PLPP1: variants seen among roughly 807,000 people sequenced by gnomAD.
PLPP1 encodes the protein lipid phosphate phosphohydrolase 1a.
In PLPP1, 24 loss-of-function variants were observed where a neutral mutation model predicts 31.2. The ratio of observed to expected loss-of-function variants is 0.77; its 90% CI spans 0.56 to 1.08. PLPP1 has a LOEUF of 1.08. PLPP1 is among the 50% of genes least tolerant of loss of function. The probability of loss-of-function intolerance (pLI) is 0.00; values close to 1 mark genes in which losing one functional copy is unlikely to be tolerated. For missense variants in PLPP1, 319 were observed against 342.7 expected (o/e 0.93, Z 0.55); for synonymous variants, 146 against 126.3 (o/e 1.16, Z -1.05).
intron 1 of PLPP1, chr5:55,530,812 G>A (rs938997438): frequency 6.6e-6 from 9 of 1,372,618 alleles, no homozygotes; most frequent in South Asian, 2.4e-5. Context: ...CCGCACGGGC[G>A]TTTTGAGCAC....
chr5:55,508,061 T>C (rs1561251424), intron 1 of PLPP1, among the ~76,000 whole-genome samples: 1 of 152,012 alleles, frequency 6.6e-6, no homozygotes, highest in Non-Finnish European at 1.5e-5. Context: ...TTTCACCATG[T>C]TGGCTATGCT....
At chr5:55,489,628 C>A (rs1193288949) in intron 1 of PLPP1, among the ~76,000 whole-genome samples, 1 of 151,746 alleles carries the variant, frequency 6.6e-6, no homozygotes, top group Non-Finnish European at 1.5e-5. Flanking sequence ...GAGCTGCAGC[C>A]CATTAGAAAA....
chr5:55,493,304 G>A (rs146888645), intron 1 of PLPP1, among the ~76,000 whole-genome samples: 1 of 147,544 alleles, frequency 6.8e-6, no homozygotes, highest in African/African-American at 2.5e-5. Flanking sequence ...AACAGGACAA[G>A]ACCCTGTCTC....
chr5:55,481,608 T>C (rs1041645740), intron 1 of PLPP1, among the ~76,000 whole-genome samples: 3 of 152,100 alleles, frequency 2.0e-5, no homozygotes, highest in Admixed American at 1.3e-4. Flanking sequence ...AAAGACCCCA[T>C]AGGCAGACCA....
At chr5:55,439,039 C>T (rs1751561755) in intron 4 of PLPP1, among the ~76,000 whole-genome samples, 1 of 152,162 alleles carries the variant, frequency 6.6e-6, no homozygotes, top group South Asian at 2.1e-4. Context: ...TGCATGGTTG[C>T]TCTGGCCTGC....
Position 55,457,565 on chromosome 5 carries a change from A to G in PLPP1, c.491+10304T>C, listed in dbSNP as rs186029424. Among the ~76,000 whole-genome samples, 12 of 152,342 alleles carry G rather than the reference A, an allele frequency of 7.9e-5. No individual in the cohort carries two copies. The East Asian group carries it at 1.7e-3, about 22-fold the overall frequency. On this transcript the variant is annotated intron_variant, in intron 3 of 5. Coordinates refer to ENST00000307259, the MANE Select transcript of PLPP1 (RefSeq NM_003711.4). ...CAAGAAAATTCTCAGCTAAAACAAAATAAGATTTATGTACCTGAACCAGAG... is the reference window on the plus strand; with the variant it reads ...CAAGAAAATTCTCAGCTAAAACAAAGTAAGATTTATGTACCTGAACCAGAG...
intron 4 of PLPP1, among the ~76,000 whole-genome samples, chr5:55,432,993 C>G (rs10056293): frequency 0.19 from 28,402 of 151,660 alleles, 2,726 homozygotes; most frequent in Admixed American, 0.19. Flanking sequence ...GAAGACCTAA[C>G]CCTGAGCAAT....
intron 1 of PLPP1, among the ~76,000 whole-genome samples, chr5:55,490,370 G>C (rs573615386): frequency 6.6e-6 from 1 of 151,890 alleles, no homozygotes; most frequent in Admixed American, 6.5e-5. Context: ...GGCTGGTCTC[G>C]AACTCCTGAC....
chr5:55,498,509 A>C (rs1310710542), intron 1 of PLPP1, among the ~76,000 whole-genome samples: 1 of 152,202 alleles, frequency 6.6e-6, no homozygotes, highest in Non-Finnish European at 1.5e-5. Context: ...CCACCTAATA[A>C]CATGCCCTGC....
intron 1 of PLPP1, chr5:55,484,526 G>C (rs188019273): frequency 3.3e-5 from 5 of 152,202 alleles, no homozygotes; most frequent in African/African-American, 1.2e-4. Flanking sequence ...ATATTAAATT[G>C]TATCAAACCA....
intron 1 of PLPP1, among the ~76,000 whole-genome samples, chr5:55,521,703 A>G (rs1268720771): frequency 6.6e-6 from 1 of 152,184 alleles, no homozygotes; most frequent in Non-Finnish European, 1.5e-5. Context: ...GTCTTCTACC[A>G]TAAGTAATAA....
intron 1 of PLPP1, among the ~76,000 whole-genome samples, chr5:55,505,504 T>C (rs1348007286): frequency 6.6e-6 from 1 of 151,842 alleles, no homozygotes; most frequent in East Asian, 1.9e-4. Flanking sequence ...AAAACATTTA[T>C]TGAGTATCTA....
intron 4 of PLPP1, among the ~76,000 whole-genome samples, chr5:55,432,995 C>T (rs2111676866): frequency 6.6e-6 from 1 of 151,930 alleles, no homozygotes; most frequent in East Asian, 1.9e-4. Context: ...AGACCTAACC[C>T]TGAGCAATGA....
intron 3 of PLPP1, among the ~76,000 whole-genome samples, chr5:55,461,402 T>C (rs1232742040): frequency 1.3e-5 from 2 of 151,866 alleles, no homozygotes; most frequent in African/African-American, 4.8e-5. Context: ...CCAATTAATA[T>C]AAAAAGTATA....
intron 1 of PLPP1, among the ~76,000 whole-genome samples, chr5:55,505,872 C>T (rs766273038): frequency 4.6e-5 from 7 of 152,192 alleles, no homozygotes; most frequent in Non-Finnish European, 8.8e-5. Context: ...GCCTGGCCAA[C>T]ATGGCAAAAC....
intron 1 of PLPP1, among the ~76,000 whole-genome samples, chr5:55,506,417 T>G (rs1445700796): frequency 6.6e-6 from 1 of 152,128 alleles, no homozygotes; most frequent in Non-Finnish European, 1.5e-5. Context: ...AACCAAAACT[T>G]TAACAAAAAG....
At chr5:55,530,486 T>C in intron 1 of PLPP1, 1 of 1,212,928 alleles carries the variant, frequency 8.2e-7, no homozygotes, top group Non-Finnish European at 1.2e-6. Flanking sequence ...CAGATGTGGA[T>C]GTTTCACTCC....
At chr5:55,442,260 T>G (rs1751637548) in intron 3 of PLPP1, among the ~76,000 whole-genome samples, 1 of 152,182 alleles carries the variant, frequency 6.6e-6, no homozygotes, top group African/African-American at 2.4e-5. Flanking sequence ...GTGACCATGA[T>G]TTAAGTTTTA....
chr5:55,461,248 C>T (rs545045595), intron 3 of PLPP1, among the ~76,000 whole-genome samples: 2 of 152,190 alleles, frequency 1.3e-5, no homozygotes, highest in East Asian at 3.9e-4. Context: ...AACTTCTAGG[C>T]CCAAATGACT....
Sources: gnomAD v4.1 joint callset for allele counts (sites outside exome capture counted in the v4.1 genomes callset) on GRCh38, gnomAD v4.1.1 for gene constraint, MANE v1.5 for transcripts, NCBI Gene and HGNC (gene_info 2026-07-23, HGNC 2026-07-21) for gene names.